The following GLYATL2 variants were observed in gnomAD, a reference collection of about 807,000 sequenced individuals.
GLYATL2 encodes glycine-N-acyltransferase like 2.
Under a neutral mutation model 21.4 loss-of-function variants are expected in GLYATL2, and 25 were observed. The ratio of observed to expected loss-of-function variants is 1.17; its 90% CI spans 0.85 to 1.63. GLYATL2 has a LOEUF of 1.63. Ranked by LOEUF, GLYATL2 falls within the 40% of genes most tolerant of loss-of-function variation. The pLI is 0.00. For synonymous variants in GLYATL2, 114 were observed against 118.2 expected (o/e 0.96, Z 0.23); for missense variants, 361 against 343.3 (o/e 1.05, Z -0.41).
In GLYATL2 at chr11:58,899,677, A is replaced by G. The variant is rs146015891; in HGVS notation, n.60+4479T>C. ...CAGCGGGTTAGGGTTGCAGTCTGAGAAAGCACTCCAGGAATCACCCAAGAT... is the reference window on the plus strand; with the variant it reads ...CAGCGGGTTAGGGTTGCAGTCTGAGGAAGCACTCCAGGAATCACCCAAGAT... On this transcript the variant is annotated intron_variant and non_coding_transcript_variant, in intron 1 of 4. Coordinates refer to the GLYATL2 transcript ENST00000533636. Among the ~76,000 whole-genome samples the G allele has an allele frequency of 1.7e-3, 255 of 152,324 alleles. 2 individuals carry two copies. The highest frequency in any genetic ancestry group is 5.8e-3 in the African/African-American group (242 of 41,574).
At chr11:58,874,867 C>G (rs1854197270) in intron 1 of GLYATL2, among the ~76,000 whole-genome samples, 1 of 152,146 alleles carries the variant, frequency 6.6e-6, no homozygotes, top group Non-Finnish European at 1.5e-5. Context: ...TCTCGTTGAT[C>G]TGTCTAATGT....
rs115146339 is a variant in GLYATL2 at position 58,899,798 on chromosome 11, A to C, written n.60+4358T>G. Among the ~76,000 whole-genome samples the C allele has an allele frequency of 6.1e-3, 927 of 151,340 alleles. 10 individuals carry two copies. Among genetic ancestry groups the C allele is most frequent in the African/African-American group, 0.022 (894 of 40,992 alleles). On this transcript the variant is annotated intron_variant and non_coding_transcript_variant, in intron 1 of 4. Transcript: ENST00000533636. ...ATTAAGTGTGCCTAATATTTATTTA[A>C]CATGTTAATTACAACAGAATATATA...
At chr11:58,866,173 C>G (rs1042557747) in intron 1 of GLYATL2, among the ~76,000 whole-genome samples, 2 of 149,018 alleles carry the variant, frequency 1.3e-5, no homozygotes, top group Non-Finnish European at 3.0e-5. Context: ...CCCTTTCTTC[C>G]TCTGTAAAAG....
rs1257587523 is a variant in GLYATL2, at chr11:58,837,291, T to C, written c.293A>G (p.Glu98Gly). ...GTTACCTTGGATCTGCAAAGTTTGC[T>C]CCCAGCTGATTACATTGGAGTATGA... ...VLSYSNVISWEQTLQIQGCQE... is the reference protein window; with the variant it reads ...VLSYSNVISWGQTLQIQGCQE... The change falls in exon 4 of 6, where the codon GAG (glutamate) becomes GGG (glycine). Residue 98 changes from glutamate to glycine, a missense_variant. Glu to Gly is a moderately conservative substitution (Grantham distance 98, BLOSUM62 -2). Coordinates refer to ENST00000287275, the MANE Select transcript of GLYATL2 (RefSeq NM_145016.4). 1.2e-6 allele frequency: 2 copies of C among 1,613,840 alleles called. No homozygotes were observed. Among genetic ancestry groups the C allele is most frequent in the African/African-American group, 2.7e-5 (2 of 74,928 alleles).
intron 1 of GLYATL2, among the ~76,000 whole-genome samples, chr11:58,881,322 C>A (rs913923807): frequency 6.6e-6 from 1 of 152,166 alleles, no homozygotes; most frequent in Non-Finnish European, 1.5e-5. Flanking sequence ...TGGAACCAGC[C>A]TAAGCTTTGA....
chr11:58,860,519 T>C (rs1853912260), intron 1 of GLYATL2, among the ~76,000 whole-genome samples: 2 of 152,148 alleles, frequency 1.3e-5, no homozygotes, highest in Admixed American at 1.3e-4. Flanking sequence ...TAGGATGTTT[T>C]ATATGTAGGA....
chr11:58,874,637 C>T (rs1158858750), intron 1 of GLYATL2, among the ~76,000 whole-genome samples: 1 of 152,242 alleles, frequency 6.6e-6, no homozygotes, highest in Non-Finnish European at 1.5e-5. Flanking sequence ...AGTTTGATTG[C>T]ACTGTGGTCT....
chr11:58,877,380 T>C (rs1854255507), intron 1 of GLYATL2, among the ~76,000 whole-genome samples: 1 of 152,194 alleles, frequency 6.6e-6, no homozygotes, highest in Non-Finnish European at 1.5e-5. Context: ...CTGGGAGCTG[T>C]AGACTGGAGC....
At chr11:58,865,129 A>G (rs1199062302) in intron 1 of GLYATL2, among the ~76,000 whole-genome samples, 1 of 122,208 alleles carries the variant, frequency 8.2e-6, no homozygotes, top group Admixed American at 1.0e-4. Flanking sequence ...TGTCAGTCAT[A>G]CCACAATAAA....
chr11:58,858,802 G>A (rs1290579578), intron 1 of GLYATL2, among the ~76,000 whole-genome samples: 2 of 152,178 alleles, frequency 1.3e-5, no homozygotes, highest in African/African-American at 4.8e-5. Flanking sequence ...AGCTTCTGGT[G>A]CAATGTCGTT....
intron 1 of GLYATL2, among the ~76,000 whole-genome samples, chr11:58,879,875 T>C (rs1327520565): frequency 1.4e-5 from 2 of 139,810 alleles, no homozygotes; most frequent in African/African-American, 5.3e-5. Flanking sequence ...TTTTTTTCTT[T>C]GGAGACAGAG....
intron 1 of GLYATL2, among the ~76,000 whole-genome samples, chr11:58,852,620 G>A (rs563626580): frequency 6.6e-6 from 1 of 152,306 alleles, no homozygotes; most frequent in Non-Finnish European, 1.5e-5. Context: ...GAAAATAGCC[G>A]ATCCAGGATT....
upstream of GLYATL2, chr11:58,907,748 C>A: frequency 4.9e-6 from 1 of 205,716 alleles, no homozygotes; most frequent in Non-Finnish European, 1.0e-5. Context: ...ACATTCCTAT[C>A]AATATTCTTG....
chr11:58,860,114 A>G (rs1194509092), intron 1 of GLYATL2, among the ~76,000 whole-genome samples: 1 of 152,112 alleles, frequency 6.6e-6, no homozygotes, highest in Non-Finnish European at 1.5e-5. Flanking sequence ...TTTTGTGATT[A>G]CACATACATT....
chr11:58,857,621 T>C (rs143302246), intron 1 of GLYATL2, among the ~76,000 whole-genome samples: 24 of 152,274 alleles, frequency 1.6e-4, no homozygotes, highest in African/African-American at 5.1e-4. Flanking sequence ...CCAGGTTGTG[T>C]TGATGTCTTA....
intron 1 of GLYATL2, among the ~76,000 whole-genome samples, chr11:58,879,928 G>C (rs563073333): frequency 2.0e-5 from 3 of 149,536 alleles, no homozygotes; most frequent in Non-Finnish European, 4.4e-5. Context: ...GCGCGATCTC[G>C]GCTCACTGCA....
intron 1 of GLYATL2, among the ~76,000 whole-genome samples, chr11:58,871,983 G>C: frequency 6.6e-6 from 1 of 152,166 alleles, no homozygotes; most frequent in Non-Finnish European, 1.5e-5. Context: ...ATTCTAACTG[G>C]TGTGAAATGG....
chr11:58,880,383 G>A (rs773120820), intron 1 of GLYATL2, among the ~76,000 whole-genome samples: 5 of 152,182 alleles, frequency 3.3e-5, no homozygotes, highest in Non-Finnish European at 7.4e-5. Flanking sequence ...ATGGATAGGA[G>A]AGGTATTTGG....
At chr11:58,852,554 G>A (rs542213119) in intron 1 of GLYATL2, among the ~76,000 whole-genome samples, 2 of 152,104 alleles carry the variant, frequency 1.3e-5, no homozygotes, top group African/African-American at 4.8e-5. Flanking sequence ...ACATTTTATG[G>A]AGCAGGAAAT....
Sources: allele counts gnomAD v4.1 joint callset (sites outside exome capture counted in the v4.1 genomes callset), GRCh38; gene constraint gnomAD v4.1.1; transcripts MANE v1.5; gene names NCBI Gene and HGNC (gene_info 2026-07-23, HGNC 2026-07-21).